PLA2G2C: variants seen among roughly 807,000 people sequenced by gnomAD.
PLA2G2C encodes putative inactive group IIC secretory phospholipase A2.
PLA2G2C carries 15 observed loss-of-function variants against 14.3 expected under a neutral mutation model. The ratio of observed to expected loss-of-function variants is 1.05; its 90% CI spans 0.70 to 1.62. The LOEUF (loss-of-function observed/expected upper bound fraction) is 1.62, where lower values mean the gene tolerates loss of function less well. Among genes scored for constraint, PLA2G2C ranks in the 40% most tolerant of loss-of-function variants. The pLI is 0.00. For missense variants in PLA2G2C, 162 were observed against 173.2 expected (o/e 0.94, Z 0.36); for synonymous variants, 79 against 67.7 (o/e 1.17, Z -0.82).
Position 20,177,252 on chromosome 1 carries a change from A to G in PLA2G2C, c.40+72T>C. Reference sequence around the variant, plus strand: ...ACTTCCCTCACCTGGTGCCACCTGGAGAGTCCCCCCTCCCACTGACATAAA... The same window carrying G: ...ACTTCCCTCACCTGGTGCCACCTGGGGAGTCCCCCCTCCCACTGACATAAA... On this transcript the variant is annotated intron_variant, in intron 2 of 4. Coordinates refer to ENST00000679259, the MANE Select transcript of PLA2G2C (RefSeq NM_001367969.2). 4 of 700,028 alleles carry G rather than the reference A, an allele frequency of 5.7e-6. No homozygotes were observed. In the Admixed American group the frequency reaches 8.0e-5, roughly 14 times the overall value. 43.4% of individuals were successfully genotyped at this position (700,028 alleles called of 1,614,324 possible).
At chr1:20,176,840 T>C (rs538784903) in intron 2 of PLA2G2C, among the ~76,000 whole-genome samples, 4 of 152,336 alleles carry the variant, frequency 2.6e-5, no homozygotes, top group African/African-American at 9.6e-5. Context: ...CCAGTAGGTC[T>C]TTCTTCACTT....
chr1:20,183,585 C>T (rs1334285119), intron 1 of PLA2G2C, among the ~76,000 whole-genome samples: 3 of 152,216 alleles, frequency 2.0e-5, no homozygotes, highest in African/African-American at 7.2e-5. Context: ...AGGGAGGGTG[C>T]ACAGCACCAT....
chr1:20,164,808 G>A (rs1473507655), intron 4 of PLA2G2C, among the ~76,000 whole-genome samples: 2 of 152,232 alleles, frequency 1.3e-5, no homozygotes, highest in East Asian at 3.8e-4. Context: ...CACATTTCAT[G>A]TCCGGTCTGC....
At chr1:20,166,964 A>C (rs72663005) in intron 4 of PLA2G2C, among the ~76,000 whole-genome samples, 7,627 of 152,278 alleles carry the variant, frequency 0.05, 255 homozygotes, top group Admixed American at 0.084. Flanking sequence ...CCTTTTAAAA[A>C]CAAGCTTAAC....
At chr1:20,167,555 G>C (rs529887831) in intron 4 of PLA2G2C, among the ~76,000 whole-genome samples, 1 of 152,276 alleles carries the variant, frequency 6.6e-6, no homozygotes, top group Non-Finnish European at 1.5e-5. Flanking sequence ...TGCTGATCTT[G>C]GCTGTGGTTG....
At chr1:20,181,888 G>A in intron 1 of PLA2G2C, among the ~76,000 whole-genome samples, 1 of 152,166 alleles carries the variant, frequency 6.6e-6, no homozygotes, top group East Asian at 1.9e-4. Context: ...AGGGTGGAGA[G>A]CAACTAACTC....
intron 3 of PLA2G2C, among the ~76,000 whole-genome samples, chr1:20,174,780 T>C (rs919801160): frequency 2.6e-5 from 4 of 152,164 alleles, no homozygotes; most frequent in Admixed American, 6.5e-5. Context: ...CTGACCCTTA[T>C]GAGTGTTGGG....
At chr1:20,174,932 C>A (rs1367101204) in intron 3 of PLA2G2C, 75 bp downstream of exon 3, 2 of 1,390,104 alleles carry the variant, frequency 1.4e-6, no homozygotes, top group Non-Finnish European at 2.0e-6. Context: ...AGAATCCTAA[C>A]ACCCTCTCTC....
chr1:20,171,422 G>A (rs1259821243), intron 4 of PLA2G2C, among the ~76,000 whole-genome samples: 1 of 152,200 alleles, frequency 6.6e-6, no homozygotes, highest in Non-Finnish European at 1.5e-5. Flanking sequence ...TCCTCCCGGT[G>A]CAGGGGTCCG....
intron 2 of PLA2G2C, among the ~76,000 whole-genome samples, chr1:20,176,214 C>T (rs889498106): frequency 2.6e-4 from 39 of 152,022 alleles, no homozygotes; most frequent in African/African-American, 6.0e-4. Flanking sequence ...CAACCGCGCC[C>T]GGCCCAGCAT....
chr1:20,182,330 T>C (rs1212012397), intron 1 of PLA2G2C, among the ~76,000 whole-genome samples: 1 of 152,236 alleles, frequency 6.6e-6, no homozygotes, highest in Non-Finnish European at 1.5e-5. Flanking sequence ...ACCTTTTCTA[T>C]GTTTAGATCT....
At chr1:20,177,164 C>G (rs1404549615) in intron 2 of PLA2G2C, among the ~76,000 whole-genome samples, 160 bp downstream of exon 2, 1 of 152,186 alleles carries the variant, frequency 6.6e-6, no homozygotes, top group Non-Finnish European at 1.5e-5. Flanking sequence ...ATAGCAGAAA[C>G]AGAAGCAAGA....
At chr1:20,177,731 T>A (rs1245572914) in intron 1 of PLA2G2C, among the ~76,000 whole-genome samples, 1 of 152,082 alleles carries the variant, frequency 6.6e-6, no homozygotes, top group African/African-American at 2.4e-5. Flanking sequence ...CCATATTTCC[T>A]CTGTTCCCGA....
At chr1:20,164,188 C>T (rs745717238) in intron 4 of PLA2G2C, 31 bp from the exon 5 acceptor site, 1 of 1,592,106 alleles carries the variant, frequency 6.3e-7, no homozygotes, top group Admixed American at 1.7e-5. Flanking sequence ...ACTGGGGGCT[C>T]CCAGCCCAGC....
intron 1 of PLA2G2C, among the ~76,000 whole-genome samples, chr1:20,182,160 G>A (rs2018287489): frequency 6.6e-6 from 1 of 152,140 alleles, no homozygotes; most frequent in Non-Finnish European, 1.5e-5. Context: ...CAACAATACG[G>A]GGAAAATAAT....
At chr1:20,178,313 A>C (rs1435470906) in intron 1 of PLA2G2C, among the ~76,000 whole-genome samples, 2 of 152,228 alleles carry the variant, frequency 1.3e-5, no homozygotes, top group Non-Finnish European at 2.9e-5. Context: ...AAATCTGGTA[A>C]CGTCAGGACT....
At chr1:20,184,127 A>G (rs1258191420) in intron 1 of PLA2G2C, 1 of 152,206 alleles carries the variant, frequency 6.6e-6, no homozygotes, top group Non-Finnish European at 1.5e-5. Context: ...CGTTAACTGC[A>G]TGTACTGCTG....
At chr1:20,181,212 A>G (rs2018274629) in intron 1 of PLA2G2C, among the ~76,000 whole-genome samples, 1 of 152,238 alleles carries the variant, frequency 6.6e-6, no homozygotes, top group African/African-American at 2.4e-5. Context: ...AGAGATGGGC[A>G]GTAAATAAAT....
chr1:20,164,535 A>T (rs1294535765), intron 4 of PLA2G2C, among the ~76,000 whole-genome samples: 1 of 152,176 alleles, frequency 6.6e-6, no homozygotes, highest in Non-Finnish European at 1.5e-5. Context: ...AGGAATCAGG[A>T]GGCAGGGGCG....
Sources: allele counts gnomAD v4.1 joint callset (sites outside exome capture counted in the v4.1 genomes callset), GRCh38; gene constraint gnomAD v4.1.1; transcripts MANE v1.5; gene names NCBI Gene and HGNC (gene_info 2026-07-23, HGNC 2026-07-21).